Variants in FHL2 observed in about 807,000 individuals in gnomAD.
FHL2 encodes the protein four and a half LIM domains 2, also known as four and a half LIM domains protein 2.
Under a neutral mutation model 32.7 loss-of-function variants are expected in FHL2, and 20 were observed. The ratio of observed to expected loss-of-function variants is 0.61; its 90% CI spans 0.43 to 0.89. The LOEUF is 0.89. Ranked by LOEUF, FHL2 falls within the 40% of genes least tolerant of loss-of-function variation. The pLI is 0.00. For missense variants in FHL2, 311 were observed against 358.6 expected, an observed-to-expected ratio of 0.87 and a Z score of 1.07; for synonymous variants, 123 against 128.1, an observed-to-expected ratio of 0.96 and a Z score of 0.27.
intron 1 of FHL2, among the ~76,000 whole-genome samples, chr2:105,423,311 T>C (rs1273717508): frequency 6.6e-6 from 1 of 152,238 alleles, no homozygotes; most frequent in East Asian, 1.9e-4. Context: ...TTCATAAACC[T>C]ATTGCATCAA....
intron 1 of FHL2, among the ~76,000 whole-genome samples, chr2:105,418,696 C>A (rs912532312): frequency 6.6e-6 from 1 of 152,176 alleles, no homozygotes; most frequent in African/African-American, 2.4e-5. Context: ...GCCCTCCTCC[C>A]GCTCCCCTTA....
chr2:105,421,071 A>G (rs1034922877), intron 1 of FHL2, among the ~76,000 whole-genome samples: 5 of 152,180 alleles, frequency 3.3e-5, no homozygotes, highest in Admixed American at 6.5e-5. Flanking sequence ...CCTGTCCTAT[A>G]CTGGATCCAG....
At chr2:105,401,612 A>G (rs1228120597), upstream of FHL2, among the ~76,000 whole-genome samples, 1 of 152,206 alleles carries the variant, frequency 6.6e-6, no homozygotes, top group African/African-American at 2.4e-5. Flanking sequence ...ATTGTTTGTA[A>G]TAGAAAAATA....
chr2:105,437,445 A>G (rs1029552000), intron 1 of FHL2, among the ~76,000 whole-genome samples: 1 of 152,236 alleles, frequency 6.6e-6, no homozygotes, highest in African/African-American at 2.4e-5. Flanking sequence ...TAAAATTTTG[A>G]AAGCCTAGCA....
At chr2:105,407,299 G>A (rs539573618) in intron 1 of FHL2, among the ~76,000 whole-genome samples, 10 of 151,702 alleles carry the variant, frequency 6.6e-5, no homozygotes, top group African/African-American at 2.2e-4. Context: ...GGCTGAGGCA[G>A]GAGAATGGCA....
chr2:105,427,242 T>C (rs1684295499), intron 1 of FHL2, among the ~76,000 whole-genome samples: 1 of 152,148 alleles, frequency 6.6e-6, no homozygotes, highest in African/African-American at 2.4e-5. Context: ...CATGAAAAAA[T>C]TCTGGAAAGA....
intron 3 of FHL2, among the ~76,000 whole-genome samples, chr2:105,379,144 C>G (rs568817502): frequency 6.6e-6 from 1 of 152,188 alleles, no homozygotes; most frequent in Admixed American, 6.5e-5. Flanking sequence ...CCCTATGCCA[C>G]GTACATCACC....
rs185872481 is a variant in FHL2, at chr2:105,425,657, T to C, written c.-25+12742A>G. On this transcript the variant is annotated intron_variant, in intron 1 of 5. Transcript: ENST00000393352. The stretch of plus-strand genomic sequence containing the variant: ...CCCTGTGGCGGGAGACGAGACATGT[T>C]TGCAGTAATACTGCCTTGTTATTCT... Among the ~76,000 whole-genome samples the C allele has an allele frequency of 6.0e-3, 915 of 152,244 alleles. 3 individuals carry two copies. Among genetic ancestry groups the C allele is most frequent in the Non-Finnish European group, 9.3e-3 (630 of 68,018 alleles).
intron 4 of FHL2, among the ~76,000 whole-genome samples, chr2:105,370,020 A>G (rs1298835730): frequency 6.6e-6 from 1 of 152,222 alleles, no homozygotes; most frequent in Non-Finnish European, 1.5e-5. Context: ...CACACTCTGA[A>G]CCAAGTCTCC....
At chr2:105,402,073 ATGTATATATG>A (rs1331386141), upstream of FHL2, among the ~76,000 whole-genome samples, 1 of 149,766 alleles carries the variant, frequency 6.7e-6, no homozygotes, top group Admixed American at 6.7e-5. Flanking sequence ...GTACATATAC[ATGTATATATG>A]TGTATATATA....
At position 105,414,607 on chromosome 2, in the gene FHL2, C is replaced by G. The variant is rs192126390; in HGVS notation, c.-25+23792G>C. ...TCGCTCTGTCGCCCAGGCTGGAGTG[C>G]AGTAGCAGGATCTCAGCTCACTGCA... On this transcript the variant is annotated intron_variant, in intron 1 of 5. Coordinates refer to the FHL2 transcript ENST00000393352. Among the ~76,000 whole-genome samples, 500 of 152,358 alleles carry G rather than the reference C, an allele frequency of 3.3e-3. 2 individuals carry two copies. The highest frequency in any genetic ancestry group is 0.012 in the African/African-American group (485 of 41,582).
At chr2:105,426,130 G>T (rs1165343272) in intron 1 of FHL2, among the ~76,000 whole-genome samples, 2 of 152,144 alleles carry the variant, frequency 1.3e-5, no homozygotes, top group Non-Finnish European at 1.5e-5. Context: ...ATCATCGGGG[G>T]TGTCTTTCTA....
chr2:105,429,054 T>C (rs1573409679), intron 1 of FHL2, among the ~76,000 whole-genome samples: 1 of 152,350 alleles, frequency 6.6e-6, no homozygotes, highest in Middle Eastern at 3.4e-3. Context: ...CGTCCTATAC[T>C]GCAGAGGAGA....
intron 1 of FHL2, among the ~76,000 whole-genome samples, chr2:105,430,438 G>A (rs1192729399): frequency 3.3e-5 from 5 of 152,160 alleles, no homozygotes; most frequent in South Asian, 2.1e-4. Flanking sequence ...AGGCCAAGGC[G>A]GGCAGATCAC....
intron 1 of FHL2, among the ~76,000 whole-genome samples, chr2:105,431,943 GTGC>G (rs560336884): frequency 2.0e-5 from 3 of 152,172 alleles, no homozygotes; most frequent in Non-Finnish European, 2.9e-5. Context: ...AGTGGAGGAT[GTGC>G]TGCTGCTGCT....
rs527403697 is a variant in FHL2, at chr2:105,437,228, G to A, written c.-25+1171C>T. 7.1e-4 allele frequency among the ~76,000 whole-genome samples: 108 copies of A among 152,274 alleles called. 4 individuals are homozygous for A. The South Asian group carries it at 0.02, about 29-fold the overall frequency. Reference sequence around the variant, plus strand: ...CCTCCAAAGTGTAATCATTTGAGTGGATTAGTCACCTACTCAGTTAAATAC... The same window carrying A: ...CCTCCAAAGTGTAATCATTTGAGTGAATTAGTCACCTACTCAGTTAAATAC... On this transcript the variant is annotated intron_variant, in intron 1 of 5. Transcript: ENST00000393352.
At chr2:105,435,522 C>A (rs11903583) in intron 1 of FHL2, among the ~76,000 whole-genome samples, 71,623 of 152,036 alleles carry the variant, frequency 0.47, 17,116 homozygotes, top group Admixed American at 0.51. Flanking sequence ...GTTCCCATAG[C>A]CGCTTCAGAT....
chr2:105,400,674 T>C (rs1683429023), upstream of FHL2, among the ~76,000 whole-genome samples: 2 of 138,990 alleles, frequency 1.4e-5, no homozygotes, highest in African/African-American at 5.4e-5. Flanking sequence ...ATTCCTTTTG[T>C]CTTATATTTT....
chr2:105,430,283 C>A (rs1247616038), intron 1 of FHL2, among the ~76,000 whole-genome samples: 2 of 152,192 alleles, frequency 1.3e-5, no homozygotes, highest in African/African-American at 4.8e-5. Flanking sequence ...GAAGCAAAGT[C>A]TCTGTCTGAT....
Sources: gnomAD v4.1 joint callset for allele counts (sites outside exome capture counted in the v4.1 genomes callset) on GRCh38, gnomAD v4.1.1 for gene constraint, MANE v1.5 for transcripts, NCBI Gene and HGNC (gene_info 2026-07-23, HGNC 2026-07-21) for gene names.